AUTS2: variants seen among roughly 807,000 people sequenced by gnomAD.
AUTS2 encodes the protein autism susceptibility gene 2 protein.
Under a neutral mutation model 112.4 loss-of-function variants are expected in AUTS2, and 17 were observed. That is an observed-to-expected ratio of 0.15 (90% CI 0.10 to 0.23). AUTS2 has a LOEUF of 0.23. AUTS2 is among the 10% of genes least tolerant of loss of function. The probability of loss-of-function intolerance (pLI) is 1.00; values close to 1 mark genes in which losing one functional copy is unlikely to be tolerated. For synonymous variants in AUTS2, 751 were observed against 702.7 expected, an observed-to-expected ratio of 1.07 and a Z score of -1.09; for missense variants, 1,510 against 1,701.6, an observed-to-expected ratio of 0.89 and a Z score of 1.98.
At chr7:70,665,439 T>TTATC (rs899146347) in intron 5 of AUTS2, among the ~76,000 whole-genome samples, 1 of 119,268 alleles carries the variant, frequency 8.4e-6, no homozygotes, top group Non-Finnish European at 1.8e-5. Context: ...GTTTATTTAT[T>TTATC]TATCTATTTA....
chr7:69,649,962 T>C (rs1051580278), intron 1 of AUTS2, among the ~76,000 whole-genome samples: 1 of 152,172 alleles, frequency 6.6e-6, no homozygotes, highest in African/African-American at 2.4e-5. Flanking sequence ...TCTCTGCCCT[T>C]TTCCTTCCCC....
chr7:70,356,453 C>G (rs1287830554), intron 4 of AUTS2, among the ~76,000 whole-genome samples: 2 of 152,284 alleles, frequency 1.3e-5, no homozygotes, highest in East Asian at 3.9e-4. Flanking sequence ...TAGATGGAAC[C>G]TAATCATTTG....
intron 4 of AUTS2, among the ~76,000 whole-genome samples, chr7:70,183,002 G>A (rs1027465746): frequency 6.6e-6 from 1 of 152,184 alleles, no homozygotes; most frequent in African/African-American, 2.4e-5. Context: ...CGAGTCCACT[G>A]TGTCCGCGTT....
At chr7:70,182,948 C>T (rs1381780052) in intron 4 of AUTS2, among the ~76,000 whole-genome samples, 10 of 152,116 alleles carry the variant, frequency 6.6e-5, no homozygotes. Context: ...CTCCAGTCCC[C>T]AGGGTAGAAG....
At chr7:70,160,208 G>A (rs1277151046) in intron 4 of AUTS2, among the ~76,000 whole-genome samples, 1 of 152,106 alleles carries the variant, frequency 6.6e-6, no homozygotes, top group Non-Finnish European at 1.5e-5. Flanking sequence ...TTATAGTAAT[G>A]AGTTGGATGA....
intron 2 of AUTS2, among the ~76,000 whole-genome samples, chr7:69,928,438 T>C (rs1796107059): frequency 6.6e-6 from 1 of 152,152 alleles, no homozygotes; most frequent in Admixed American, 6.5e-5. Context: ...CAACATGCTG[T>C]CCACAGTAAG....
At chr7:69,621,830 ATTT>A in intron 1 of AUTS2, among the ~76,000 whole-genome samples, 1 of 151,974 alleles carries the variant, frequency 6.6e-6, no homozygotes, top group African/African-American at 2.4e-5. Flanking sequence ...AGGAGAAAGT[ATTT>A]GAGGAAATAC....
At chr7:70,640,657 G>A (rs1310431184) in intron 5 of AUTS2, among the ~76,000 whole-genome samples, 1 of 152,080 alleles carries the variant, frequency 6.6e-6, no homozygotes, top group Non-Finnish European at 1.5e-5. Flanking sequence ...GCTTGTGGGC[G>A]GGGATTGAAA....
intron 4 of AUTS2, among the ~76,000 whole-genome samples, chr7:70,328,264 C>T (rs1033079152): frequency 3.3e-5 from 5 of 152,100 alleles, no homozygotes; most frequent in African/African-American, 4.8e-5. Flanking sequence ...GTTTGTCTCC[C>T]AGGCTGGAGT....
At chr7:70,203,416 C>G (rs552280694) in intron 4 of AUTS2, among the ~76,000 whole-genome samples, 3 of 145,714 alleles carry the variant, frequency 2.1e-5, no homozygotes, top group African/African-American at 7.6e-5. Flanking sequence ...TTTTCATTAA[C>G]GTGTTGAATG....
intron 1 of AUTS2, among the ~76,000 whole-genome samples, chr7:69,811,641 C>T (rs1790546982): frequency 6.6e-6 from 1 of 152,142 alleles, no homozygotes; most frequent in South Asian, 2.1e-4. Context: ...GCTGTACCTG[C>T]AATAAGTGAT....
intron 1 of AUTS2, among the ~76,000 whole-genome samples, chr7:69,677,141 A>C (rs1796600552): frequency 6.6e-6 from 1 of 152,180 alleles, no homozygotes; most frequent in Non-Finnish European, 1.5e-5. Context: ...GATAGAGTTT[A>C]GAGAGTCTCT....
intron 4 of AUTS2, among the ~76,000 whole-genome samples, chr7:70,280,324 C>T (rs1584967322): frequency 6.7e-6 from 1 of 148,932 alleles, no homozygotes; most frequent in South Asian, 2.2e-4. Context: ...TCGCTCTGTC[C>T]CCAGGCTGGA....
intron 5 of AUTS2, among the ~76,000 whole-genome samples, chr7:70,572,421 G>A (rs1462782559): frequency 2.2e-5 from 3 of 136,436 alleles, no homozygotes; most frequent in African/African-American, 8.0e-5. Context: ...GCCTTTGAAG[G>A]GTTCCAGCAA....
chr7:70,482,309 C>A (rs1562982865), intron 5 of AUTS2, among the ~76,000 whole-genome samples: 2 of 152,170 alleles, frequency 1.3e-5, no homozygotes, highest in Non-Finnish European at 2.9e-5. Flanking sequence ...TCCTCCTGTA[C>A]TCTCTGTGGC....
chr7:70,389,087 C>A (rs1175892799), intron 4 of AUTS2, among the ~76,000 whole-genome samples: 3 of 152,144 alleles, frequency 2.0e-5, no homozygotes, highest in Non-Finnish European at 4.4e-5. Context: ...TCTAATTTTG[C>A]AATTTTGACT....
chr7:70,368,857 C>A (rs1792707479), intron 4 of AUTS2, among the ~76,000 whole-genome samples: 2 of 152,032 alleles, frequency 1.3e-5, no homozygotes, highest in African/African-American at 4.8e-5. Context: ...AAAATATGAT[C>A]CACCAAGAGC....
intron 1 of AUTS2, among the ~76,000 whole-genome samples, chr7:69,891,637 G>A (rs991197261): frequency 6.6e-6 from 1 of 151,674 alleles, no homozygotes; most frequent in Non-Finnish European, 1.5e-5. Context: ...GCCCACTCTC[G>A]GTAGGGTCAT....
At chr7:70,107,907 A>G (rs1804858880) in intron 2 of AUTS2, among the ~76,000 whole-genome samples, 1 of 151,188 alleles carries the variant, frequency 6.6e-6, no homozygotes. Flanking sequence ...GCTACCCCGG[A>G]GGCTGAGGCA....
Sources: allele counts gnomAD v4.1 joint callset (sites outside exome capture counted in the v4.1 genomes callset), GRCh38; gene constraint gnomAD v4.1.1; transcripts MANE v1.5; gene names NCBI Gene and HGNC (gene_info 2026-07-23, HGNC 2026-07-21).